Variants in HMOX2 observed in about 807,000 individuals in gnomAD.
The protein encoded by HMOX2 is heme oxygenase (decycling) 2.
In HMOX2, 30 loss-of-function variants were observed where a neutral mutation model predicts 33.7. The observed-to-expected ratio is 0.89, with a 90% CI of 0.67 to 1.21. The LOEUF (loss-of-function observed/expected upper bound fraction) is 1.21. Ranked by LOEUF, HMOX2 falls within the 50% of genes most tolerant of loss-of-function variation. The probability of loss-of-function intolerance (pLI) is 0.00; values close to 1 mark genes in which losing one functional copy is unlikely to be tolerated. For missense variants in HMOX2, 403 were observed against 399.1 expected (o/e 1.01, Z -0.08); for synonymous variants, 155 against 155.0 (o/e 1.00, Z 0.00).
At chr16:4,477,497 TAAAA>T (rs35695989) in intron 1 of HMOX2, among the ~76,000 whole-genome samples, 11 of 72,668 alleles carry the variant, frequency 1.5e-4, no homozygotes, top group Non-Finnish European at 2.3e-4. Flanking sequence ...AGACTCCATC[TAAAA>T]AAAAAAAAAA....
intron 1 of HMOX2, among the ~76,000 whole-genome samples, chr16:4,490,031 C>A (rs1352751609): frequency 6.6e-6 from 1 of 152,188 alleles, no homozygotes; most frequent in East Asian, 1.9e-4. Flanking sequence ...CAAACCCTGA[C>A]TGGTGTGTAA....
Position 4,509,686 on chromosome 16 carries a change from C to G in HMOX2, c.881C>G (p.Pro294Arg). Reference protein sequence around the residue: ...FRTAMAVLRKPSLQFILAAGV... With the variant: ...FRTAMAVLRKRSLQFILAAGV... The stretch of plus-strand genomic sequence containing the variant: ...ACAGCTATGGCTGTGCTGAGGAAGC[C>G]CAGCCTCCAGTTCATCCTGGCCGCT... The change falls in exon 6 of 6, where the codon CCC (proline) becomes CGC (arginine). Residue 294 changes from proline to arginine, a missense_variant. Pro to Arg is a moderately radical substitution (Grantham distance 103). Coordinates refer to ENST00000570646, the MANE Select transcript of HMOX2 (RefSeq NM_002134.4). 1 of 1,613,960 alleles carries G rather than the reference C, an allele frequency of 6.2e-7. No homozygotes were observed. Among genetic ancestry groups the G allele is most frequent in the Non-Finnish European group, 8.5e-7 (1 of 1,179,886 alleles).
chr16:4,481,178 C>T (rs1386340436), intron 1 of HMOX2, among the ~76,000 whole-genome samples: 1 of 151,244 alleles, frequency 6.6e-6, no homozygotes, highest in Admixed American at 6.6e-5. Flanking sequence ...AACCCCGTCT[C>T]TACTAAAAAA....
chr16:4,485,032 C>G (rs1255902931), intron 1 of HMOX2, among the ~76,000 whole-genome samples: 1 of 151,278 alleles, frequency 6.6e-6, no homozygotes, highest in Non-Finnish European at 1.5e-5. Flanking sequence ...GTGGCGCAGT[C>G]TTGGCTCACT....
chr16:4,479,301 G>T (rs988025485), intron 1 of HMOX2, among the ~76,000 whole-genome samples: 3 of 152,112 alleles, frequency 2.0e-5, no homozygotes, highest in Admixed American at 1.3e-4. Flanking sequence ...GATCTAAGGG[G>T]TTTCCAAACG....
chr16:4,506,187 A>G (rs912530527), intron 2 of HMOX2, among the ~76,000 whole-genome samples: 5 of 152,212 alleles, frequency 3.3e-5, no homozygotes, highest in African/African-American at 9.7e-5. Flanking sequence ...GATAAGGCCA[A>G]ATTTTTCTCA....
chr16:4,505,753 AG>A (rs2058675443), intron 2 of HMOX2, 143 bp downstream of exon 2: 1 of 588,650 alleles, frequency 1.7e-6, no homozygotes, highest in African/African-American at 1.9e-5. Flanking sequence ...TTGGCCCTGC[AG>A]GGACCGCATA....
intron 1 of HMOX2, among the ~76,000 whole-genome samples, chr16:4,478,519 G>A (rs1430823661): frequency 6.6e-6 from 1 of 152,070 alleles, no homozygotes; most frequent in Non-Finnish European, 1.5e-5. Context: ...GGGAGGCCGA[G>A]ATGGGCGGAT....
intron 4 of HMOX2, among the ~76,000 whole-genome samples, chr16:4,509,109 T>C (rs2058766515): frequency 6.6e-6 from 1 of 152,044 alleles, no homozygotes; most frequent in Non-Finnish European, 1.5e-5. Flanking sequence ...TCCCAGCACT[T>C]TGGGAGGCTG....
chr16:4,507,085 G>T (rs2058712850), intron 3 of HMOX2, 73 bp downstream of exon 3: 5 of 899,988 alleles, frequency 5.6e-6, no homozygotes, highest in Non-Finnish European at 9.3e-6. Flanking sequence ...TGAGAAAAGT[G>T]CCCCTGGAGC....
chr16:4,509,419 A>G lies in HMOX2; in HGVS notation c.704A>G (p.Asn235Ser), dbSNP rs544973749. 3.2e-5 allele frequency: 52 copies of G among 1,613,758 alleles called. No homozygotes were observed. The highest frequency in any genetic ancestry group is 6.7e-5 in the African/African-American group (5 of 74,914). Reference sequence around the variant, plus strand: ...GATCCTCTGCTCCTGCAGATATTCAATGAACTGGACCAGGCCGGCTCCACA... The same window carrying G: ...GATCCTCTGCTCCTGCAGATATTCAGTGAACTGGACCAGGCCGGCTCCACA... ...KAFEYNMQIF[N>S]ELDQAGSTLA... is the part of the protein sequence containing the mutation. The change falls in exon 5 of 6, where the codon AAT (asparagine) becomes AGT (serine). Residue 235 changes from asparagine (N) to serine (S), a missense_variant. By Grantham distance (46) the Asn-to-Ser change is conservative (BLOSUM62 1). Coordinates refer to ENST00000570646, the MANE Select transcript of HMOX2 (RefSeq NM_002134.4).
intron 1 of HMOX2, chr16:4,483,548 A>C (rs191198324): frequency 6.6e-6 from 1 of 152,206 alleles, no homozygotes; most frequent in Non-Finnish European, 1.5e-5. Flanking sequence ...GCCCCCATCT[A>C]CAAAGGTTTT....
chr16:4,492,271 C>T (rs2058323389), intron 1 of HMOX2, among the ~76,000 whole-genome samples: 2 of 151,748 alleles, frequency 1.3e-5, no homozygotes, highest in Admixed American at 1.3e-4. Context: ...GAGGTAGAGA[C>T]TGCAGTGAGC....
At chr16:4,498,509 G>A (rs2058478236) in intron 1 of HMOX2, among the ~76,000 whole-genome samples, 1 of 151,760 alleles carries the variant, frequency 6.6e-6, no homozygotes, top group African/African-American at 2.4e-5. Context: ...CGAGTGGTTG[G>A]GACTACAGGT....
intron 2 of HMOX2, among the ~76,000 whole-genome samples, chr16:4,506,416 G>A (rs995724612): frequency 5.9e-5 from 9 of 152,192 alleles, no homozygotes; most frequent in African/African-American, 1.9e-4. Flanking sequence ...CAAAGAAGCT[G>A]TGGGTCCAAG....
At chr16:4,500,772 G>T (rs2058539263) in intron 1 of HMOX2, among the ~76,000 whole-genome samples, 1 of 152,192 alleles carries the variant, frequency 6.6e-6, no homozygotes, top group East Asian at 1.9e-4. Flanking sequence ...CAGCAATTTA[G>T]CAGGAGCAAA....
Position 4,507,872 on chromosome 16 carries a change from G to T in HMOX2, c.364G>T (p.Glu122Ter). Residue 122 changes from glutamate to a stop codon, truncating the protein, a stop_gained, in exon 4 of 6, where the codon GAG becomes TAG. Transcript: ENST00000570646. LOFTEE classifies it high-confidence loss of function. ...GGAGTATTTCTTTGGTGAAAACTGG[G>T]AGGAGCAGGTGCAGTGCCCCAAGGC... ...DMEYFFGENW[E>*]EQVQCPKAAQ... 1 of 1,614,220 alleles carries T rather than the reference G, an allele frequency of 6.2e-7. No homozygotes were observed. Among genetic ancestry groups the T allele is most frequent in the Non-Finnish European group, 8.5e-7 (1 of 1,180,044 alleles).
chr16:4,475,292 C>T (rs2057787277), upstream of HMOX2, among the ~76,000 whole-genome samples: 1 of 151,084 alleles, frequency 6.6e-6, no homozygotes. Flanking sequence ...GCACTGATTT[C>T]AGTTTTTTTT....
intron 2 of HMOX2, among the ~76,000 whole-genome samples, chr16:4,506,599 CA>C (rs2058698514): frequency 6.6e-6 from 1 of 152,164 alleles, no homozygotes; most frequent in Admixed American, 6.5e-5. Context: ...AGAAGCAAAG[CA>C]TTGCTCATTT....
Sources: allele counts gnomAD v4.1 joint callset (sites outside exome capture counted in the v4.1 genomes callset), GRCh38; gene constraint gnomAD v4.1.1; transcripts MANE v1.5; gene names NCBI Gene and HGNC (gene_info 2026-07-23, HGNC 2026-07-21).